SLC4A10: variants seen among roughly 807,000 people sequenced by gnomAD.
The protein encoded by SLC4A10 is solute carrier family 4 member 10.
SLC4A10 carries 42 observed loss-of-function variants against 137.7 expected under a neutral mutation model. That is an observed-to-expected ratio of 0.30 (90% CI 0.24 to 0.39). SLC4A10 has a LOEUF of 0.39. SLC4A10 is among the 10% of genes least tolerant of loss of function. The pLI is 1.00. For synonymous variants in SLC4A10, 474 were observed against 464.1 expected (o/e 1.02, Z -0.27); for missense variants, 925 against 1,355.0 (o/e 0.68, Z 4.98).
intron 1 of SLC4A10, among the ~76,000 whole-genome samples, chr2:161,630,923 C>T (rs1207411230): frequency 6.6e-6 from 1 of 151,606 alleles, no homozygotes; most frequent in Non-Finnish European, 1.5e-5. Context: ...TAACTTGTCT[C>T]CCTTAACGCT....
intron 1 of SLC4A10, among the ~76,000 whole-genome samples, chr2:161,709,256 C>A (rs1218560250): frequency 1.3e-5 from 2 of 151,470 alleles, no homozygotes; most frequent in Non-Finnish European, 3.0e-5. Context: ...TGATATATTG[C>A]AAATATTTTT....
chr2:161,759,725 G>A (rs1484546278), intron 1 of SLC4A10, among the ~76,000 whole-genome samples: 2 of 151,754 alleles, frequency 1.3e-5, no homozygotes, highest in East Asian at 1.9e-4. Flanking sequence ...CTATTGAGTT[G>A]TATTAGTTTC....
Position 161,983,380 on chromosome 2 carries a change from G to A in SLC4A10, c.*228G>A, listed in dbSNP as rs990170961. On this transcript the variant is annotated 3_prime_UTR_variant, in exon 27 of 27. Transcript: ENST00000446997. ...TCATACTGTAAGTAGTGCAATACTT[G>A]TTTCATTTCTGTGTTTAAACTTCTG... 1.8e-5 allele frequency: 13 copies of A among 721,102 alleles called. No homozygotes were observed. The highest frequency in any genetic ancestry group is 2.5e-5 in the Non-Finnish European group (11 of 448,196). 44.7% of individuals were successfully genotyped at this position (721,102 alleles called of 1,614,324 possible).
intron 1 of SLC4A10, among the ~76,000 whole-genome samples, chr2:161,664,180 T>C (rs2038774219): frequency 6.6e-6 from 1 of 152,024 alleles, no homozygotes; most frequent in South Asian, 2.1e-4. Context: ...ATTGTGGTAC[T>C]GTTTTCTTAG....
At chr2:161,691,798 A>G (rs1014406249) in intron 1 of SLC4A10, among the ~76,000 whole-genome samples, 1 of 152,130 alleles carries the variant, frequency 6.6e-6, no homozygotes, top group African/African-American at 2.4e-5. Flanking sequence ...CATTTGTTGA[A>G]TGTTTATATA....
intron 1 of SLC4A10, among the ~76,000 whole-genome samples, chr2:161,632,333 A>G (rs1193991755): frequency 6.7e-6 from 1 of 149,984 alleles, no homozygotes; most frequent in East Asian, 2.0e-4. Flanking sequence ...ATTTCTGTTG[A>G]TATTTAAGGT....
chr2:161,737,366 T>C (rs1379585737), intron 1 of SLC4A10, among the ~76,000 whole-genome samples: 3 of 152,008 alleles, frequency 2.0e-5, no homozygotes, highest in Non-Finnish European at 2.9e-5. Flanking sequence ...GGACTCAGCA[T>C]AGATAGCTTT....
intron 10 of SLC4A10, among the ~76,000 whole-genome samples, chr2:161,891,181 G>C (rs988010200): frequency 1.8e-4 from 28 of 152,192 alleles, no homozygotes; most frequent in African/African-American, 6.5e-4. Context: ...GTCTGATGGG[G>C]TTCCCTTTGT....
In SLC4A10 at chr2:161,685,181, G is replaced by A. The variant is rs17305156; in HGVS notation, c.48+60615G>A. ...TGATTCTTCTAAGCACTACTGGATA[G>A]GCCAGTTAAAAACTAATGATAGCTG... is the stretch of plus-strand genomic sequence containing the variant. On this transcript the variant is annotated intron_variant, in intron 1 of 26. Coordinates refer to ENST00000446997, the MANE Select transcript of SLC4A10 (RefSeq NM_001178015.2). Among the ~76,000 whole-genome samples, 606 of 152,250 alleles carry A rather than the reference G, an allele frequency of 4.0e-3. 1 individual carries two copies. Among genetic ancestry groups the A allele is most frequent in the Non-Finnish European group, 6.6e-3 (450 of 68,010 alleles).
chr2:161,788,376 A>G (rs1056978726), intron 2 of SLC4A10, among the ~76,000 whole-genome samples: 1 of 151,910 alleles, frequency 6.6e-6, no homozygotes, highest in Non-Finnish European at 1.5e-5. Context: ...GTCTTCAGTC[A>G]AGTAGGAGGT....
chr2:161,963,074 C>A lies in SLC4A10; in HGVS notation c.2863-1061C>A, dbSNP rs1697001862. Among the ~76,000 whole-genome samples the A allele has an allele frequency of 2.0e-5, 3 of 151,970 alleles. 1 individual carries two copies. The highest frequency in any genetic ancestry group is 4.1e-4 in the South Asian group (2 of 4,824). ...AAATAATCGCCTCTAGTTGGAAACACTGAAAATTGCAAAAATTGGCCGAAG... is the reference window on the plus strand; with the variant it reads ...AAATAATCGCCTCTAGTTGGAAACAATGAAAATTGCAAAAATTGGCCGAAG... On this transcript the variant is annotated intron_variant, in intron 21 of 26. Transcript: ENST00000446997.
Position 161,804,559 on chromosome 2 carries a change from T to A in SLC4A10, c.241T>A (p.Ser81Thr). The change falls in exon 3 of 27, where the codon TCA (serine) becomes ACA (threonine). Residue 81 changes from serine to threonine, a missense_variant. By Grantham distance (58) the Ser-to-Thr change is moderately conservative. Coordinates refer to ENST00000446997, the MANE Select transcript of SLC4A10 (RefSeq NM_001178015.2). ...KHRKRDRERD[S>T]GLEDGRESPS... ...CAGAAAGAGAGACAGAGAAAGAGAT[T>A]CAGGATTAGAGGATGGAAGGGAGTC... 1 of 1,612,732 alleles carries A rather than the reference T, an allele frequency of 6.2e-7. No individual in the cohort carries two copies. The highest frequency in any genetic ancestry group is 8.5e-7 in the Non-Finnish European group (1 of 1,179,216).
intron 1 of SLC4A10, among the ~76,000 whole-genome samples, chr2:161,742,439 CTT>C (rs35953656): frequency 6.1e-5 from 5 of 82,538 alleles, no homozygotes; most frequent in East Asian, 3.0e-4. Context: ...TTCTTTCTTT[CTT>C]TTTTTTTTTT....
intron 6 of SLC4A10, among the ~76,000 whole-genome samples, chr2:161,868,507 T>C (rs2060901868): frequency 6.6e-6 from 1 of 151,734 alleles, no homozygotes; most frequent in Non-Finnish European, 1.5e-5. Flanking sequence ...TCATGGTCTA[T>C]AATAACTTTT....
intron 1 of SLC4A10, among the ~76,000 whole-genome samples, chr2:161,723,800 G>A (rs1311329028): frequency 6.6e-6 from 1 of 152,178 alleles, no homozygotes; most frequent in Non-Finnish European, 1.5e-5. Context: ...AACATTCCAA[G>A]TAAATATAAT....
intron 4 of SLC4A10, among the ~76,000 whole-genome samples, chr2:161,852,340 T>G (rs2059880312): frequency 6.6e-6 from 1 of 152,202 alleles, no homozygotes; most frequent in Non-Finnish European, 1.5e-5. Context: ...TATTATATAG[T>G]CTCCCTTCCT....
intron 1 of SLC4A10, among the ~76,000 whole-genome samples, chr2:161,625,142 A>G (rs1230931929): frequency 6.7e-6 from 1 of 149,824 alleles, no homozygotes; most frequent in Non-Finnish European, 1.5e-5. Context: ...CAAATGTGTC[A>G]TGGTTTTTGT....
chr2:161,793,195 G>A (rs991810515), intron 2 of SLC4A10, among the ~76,000 whole-genome samples: 13 of 152,008 alleles, frequency 8.6e-5, no homozygotes, highest in African/African-American at 3.1e-4. Context: ...TATTTATTAT[G>A]TACAACATGA....
At chr2:161,959,640 G>A (rs1437243440) in intron 21 of SLC4A10, among the ~76,000 whole-genome samples, 2 of 152,222 alleles carry the variant, frequency 1.3e-5, no homozygotes, top group Non-Finnish European at 2.9e-5. Context: ...AGAAAGGAGA[G>A]AAGAGAATGA....
Sources: allele counts gnomAD v4.1 joint callset (sites outside exome capture counted in the v4.1 genomes callset), GRCh38; gene constraint gnomAD v4.1.1; transcripts MANE v1.5; gene names NCBI Gene and HGNC (gene_info 2026-07-23, HGNC 2026-07-21).